CLEC17A: variants seen among roughly 807,000 people sequenced by gnomAD.
CLEC17A encodes C-type lectin domain family 17, member A.
In CLEC17A, 37 loss-of-function variants were observed where a neutral mutation model predicts 61.3. The observed-to-expected ratio is 0.60, with a 90% confidence interval of 0.46 to 0.79. The LOEUF is 0.79. Among genes scored for constraint, CLEC17A ranks in the 30% least tolerant of loss-of-function variants. The pLI is 0.00. For missense variants in CLEC17A, 418 were observed against 464.7 expected (o/e 0.90, Z 0.92); for synonymous variants, 168 against 164.9 (o/e 1.02, Z -0.14).
At chr19:14,587,183 AC>A in intron 2 of CLEC17A, among the ~76,000 whole-genome samples, 1 of 148,584 alleles carries the variant, frequency 6.7e-6, no homozygotes, top group South Asian at 2.1e-4. Context: ...GTGAGCCACC[AC>A]CCCCGGCCCA....
At chr19:14,583,502 G>T (rs1412901789) in intron 2 of CLEC17A, 68 bp downstream of exon 2, 14 of 1,598,322 alleles carry the variant, frequency 8.8e-6, no homozygotes, top group Non-Finnish European at 1.2e-5. Context: ...GGCATTGGTT[G>T]GGCATTGTAG....
chr19:14,600,942 A>T (rs10404521), intron 12 of CLEC17A, among the ~76,000 whole-genome samples: 25,306 of 119,106 alleles, frequency 0.21, 2,602 homozygotes, highest in Middle Eastern at 0.31. Context: ...TCACTCTGTC[A>T]CCCAGGCTGG....
chr19:14,610,217 G>T lies in CLEC17A; in HGVS notation c.*21G>T. On this transcript the variant is annotated 3_prime_UTR_variant, in exon 14 of 14. Transcript: ENST00000417570. The stretch of plus-strand genomic sequence containing the variant: ...GTTGAAGCCCAGGGCCGAGGCTGGG[G>T]GTCCATATCTGAGTGTCTCTTTGAG... 6.5e-7 allele frequency: 1 copy of T among 1,550,026 alleles called. No homozygotes were observed.
At chr19:14,594,301 A>G (rs2146695150) in intron 4 of CLEC17A, among the ~76,000 whole-genome samples, 1 of 152,112 alleles carries the variant, frequency 6.6e-6, no homozygotes, top group Admixed American at 6.6e-5. Context: ...AAAATAAAAA[A>G]TAAAATAAAA....
At chr19:14,584,916 A>C (rs1375675242) in intron 2 of CLEC17A, among the ~76,000 whole-genome samples, 3 of 151,832 alleles carry the variant, frequency 2.0e-5, no homozygotes, top group African/African-American at 7.3e-5. Context: ...CATCCTAACC[A>C]CATCATGACC....
At chr19:14,585,314 C>T (rs1446099038) in intron 2 of CLEC17A, among the ~76,000 whole-genome samples, 5 of 152,376 alleles carry the variant, frequency 3.3e-5, no homozygotes, top group African/African-American at 9.6e-5. Context: ...GGGTTACAGG[C>T]ATGAGTCACT....
intron 13 of CLEC17A, among the ~76,000 whole-genome samples, chr19:14,608,229 T>A (rs2074952482): frequency 6.6e-6 from 1 of 152,224 alleles, no homozygotes; most frequent in Non-Finnish European, 1.5e-5. Context: ...GCCATTGCCT[T>A]AAATCTCCTG....
intron 10 of CLEC17A, among the ~76,000 whole-genome samples, chr19:14,597,992 A>G (rs1317833721): frequency 6.6e-6 from 1 of 152,190 alleles, no homozygotes; most frequent in Non-Finnish European, 1.5e-5. Context: ...CACGTTAATT[A>G]TAGAAGAATC....
At chr19:14,583,750 G>A (rs376266273) in intron 2 of CLEC17A, among the ~76,000 whole-genome samples, 2 of 152,154 alleles carry the variant, frequency 1.3e-5, no homozygotes, top group East Asian at 3.9e-4. Flanking sequence ...AAGAAGAGAA[G>A]TCCAGGAGAG....
chr19:14,599,785 T>C lies in CLEC17A; in HGVS notation c.715T>C (p.Ser239Pro). ...IARVRADTNQ[S>P]LVELWGLLDC... ...CCGTGTAAGAGCTGACACCAACCAGTCCCTGGTGGAACTTTGGGGCTTATT... is the reference window on the plus strand; with the variant it reads ...CCGTGTAAGAGCTGACACCAACCAGCCCCTGGTGGAACTTTGGGGCTTATT... The change falls in exon 11 of 14, where the codon TCC becomes CCC. Residue 239 changes from serine (S) to proline (P), a missense_variant. Physicochemically the swap from Ser to Pro is moderately conservative, Grantham distance 74. Coordinates refer to ENST00000417570, the MANE Select transcript of CLEC17A (RefSeq NM_001204118.2). The C allele has an allele frequency of 6.2e-7, 1 of 1,613,738 alleles. No individual in the cohort carries two copies. Among genetic ancestry groups the C allele is most frequent in the Non-Finnish European group, 8.5e-7 (1 of 1,179,744 alleles).
chr19:14,609,098 C>A (rs1009164868), intron 13 of CLEC17A, among the ~76,000 whole-genome samples: 1 of 152,158 alleles, frequency 6.6e-6, no homozygotes, highest in African/African-American at 2.4e-5. Flanking sequence ...CCGCACCTGG[C>A]GGAACATTGG....
At chr19:14,592,931 G>T (rs1037513646) in intron 4 of CLEC17A, among the ~76,000 whole-genome samples, 1 of 152,128 alleles carries the variant, frequency 6.6e-6, no homozygotes, top group Non-Finnish European at 1.5e-5. Flanking sequence ...ATCCCAAAGT[G>T]CTGGGATTAC....
upstream of CLEC17A, among the ~76,000 whole-genome samples, chr19:14,582,771 C>T (rs1025877563): frequency 2.0e-5 from 3 of 152,002 alleles, no homozygotes; most frequent in Non-Finnish European, 4.4e-5. Context: ...CTGCGCCTGG[C>T]TAATTTTTGT....
At chr19:14,609,744 AG>A (rs1473820480) in intron 13 of CLEC17A, among the ~76,000 whole-genome samples, 2 of 152,060 alleles carry the variant, frequency 1.3e-5, no homozygotes, top group East Asian at 3.9e-4. Context: ...AGGCTGAGGC[AG>A]GAGAATTGCT....
chr19:14,592,150 G>A (rs2074436180), intron 3 of CLEC17A, 131 bp from the exon 4 acceptor site: 9 of 1,308,824 alleles, frequency 6.9e-6, no homozygotes, highest in Admixed American at 2.5e-5. Context: ...CCAGGCTGGG[G>A]CTGGGGCCCA....
At chr19:14,587,249 G>A (rs2146669544) in intron 2 of CLEC17A, among the ~76,000 whole-genome samples, 1 of 150,856 alleles carries the variant, frequency 6.6e-6, no homozygotes, top group African/African-American at 2.5e-5. Context: ...GTGTGTGTGT[G>A]TGTGTGTGTG....
chr19:14,606,679 CAAAAA>C (rs576466666), intron 12 of CLEC17A, among the ~76,000 whole-genome samples: 1 of 66,432 alleles, frequency 1.5e-5, no homozygotes. Flanking sequence ...GACTCCCTCT[CAAAAA>C]AAAAAAAAAA....
chr19:14,583,581 G>C (rs1475048083), intron 2 of CLEC17A, 147 bp downstream of exon 2: 10 of 1,505,296 alleles, frequency 6.6e-6, no homozygotes, highest in Non-Finnish European at 8.9e-6. Flanking sequence ...TGCCCAGGAC[G>C]ACCTGTCAGT....
chr19:14,600,150 C>T lies in CLEC17A; in HGVS notation c.862C>T (p.His288Tyr), dbSNP rs1433082337. Residue 288 changes from histidine (H) to tyrosine (Y), a missense_variant, in exon 12 of 14, where the codon CAC becomes TAC. By Grantham distance (83) the His-to-Tyr change is moderately conservative (BLOSUM62 2). Coordinates refer to ENST00000417570, the MANE Select transcript of CLEC17A (RefSeq NM_001204118.2). ...ARMFCQENYS[H>Y]LVIINSFAEH... ...GATGTTCTGCCAGGAGAATTACTCT[C>T]ACTTGGTCATCATCAATAGCTTTGC... The T allele has an allele frequency of 2.5e-6, 4 of 1,613,934 alleles. No individual in the cohort carries two copies. Among genetic ancestry groups the T allele is most frequent in the Non-Finnish European group, 3.4e-6 (4 of 1,179,910 alleles).
Sources: gnomAD v4.1 joint callset for allele counts (sites outside exome capture counted in the v4.1 genomes callset) on GRCh38, gnomAD v4.1.1 for gene constraint, MANE v1.5 for transcripts, NCBI Gene and HGNC (gene_info 2026-07-23, HGNC 2026-07-21) for gene names.